TUB: variants seen among roughly 807,000 people sequenced by gnomAD.
TUB encodes tubby protein homolog.
Under a neutral mutation model 59.7 loss-of-function variants are expected in TUB, and 33 were observed. The ratio of observed to expected loss-of-function variants is 0.55; its 90% CI spans 0.42 to 0.74. The LOEUF is 0.74. Ranked by LOEUF, TUB falls within the 30% of genes least tolerant of loss-of-function variation. The probability of loss-of-function intolerance (pLI) is 0.00; values close to 1 mark genes in which losing one functional copy is unlikely to be tolerated. For synonymous variants in TUB, 293 were observed against 256.4 expected, an observed-to-expected ratio of 1.14 and a Z score of -1.36; for missense variants, 659 against 672.0, an observed-to-expected ratio of 0.98 and a Z score of 0.21.
intron 10 of TUB, 83 bp from the exon 11 acceptor site, chr11:8,100,743 C>T: frequency 6.3e-7 from 1 of 1,580,614 alleles, no homozygotes; most frequent in Non-Finnish European, 8.6e-7. Flanking sequence ...ATCCAAGGAC[C>T]CCCATTCCCG....
At chr11:8,022,210 G>C (rs1942439515) in intron 1 of TUB, among the ~76,000 whole-genome samples, 1 of 152,134 alleles carries the variant, frequency 6.6e-6, no homozygotes. Flanking sequence ...GTTCTCATCA[G>C]TACTTGTTTT....
chr11:8,036,445 G>A (rs565975514), upstream of TUB, among the ~76,000 whole-genome samples: 8 of 152,338 alleles, frequency 5.3e-5, no homozygotes, highest in Admixed American at 2.6e-4. Context: ...ATCAATGATA[G>A]CATCCTTCTT....
chr11:8,043,490 C>T (rs987651727), intron 2 of TUB, among the ~76,000 whole-genome samples: 1 of 152,106 alleles, frequency 6.6e-6, no homozygotes, highest in Non-Finnish European at 1.5e-5. Flanking sequence ...GAGATTGGAC[C>T]GAATCTGTAG....
Position 8,101,860 on chromosome 11 carries a change from C to CA in TUB, c.*241_*242insA. 1.8e-6 allele frequency: 1 copy of CA among 568,284 alleles called. No individual in the cohort carries two copies. The highest frequency in any genetic ancestry group is 3.0e-6 in the Non-Finnish European group (1 of 333,710). 35.2% of individuals were successfully genotyped at this position (568,284 alleles called of 1,614,324 possible). On this transcript the variant is annotated 3_prime_UTR_variant, in exon 12 of 12. Transcript: ENST00000299506. ...GATGAGAATAATTCTTTCCATGCCACGAGATCAACACACACTCCCACCCTT... is the reference window on the plus strand; with the variant it reads ...GATGAGAATAATTCTTTCCATGCCACAGAGATCAACACACACTCCCACCCTT...
rs2133873075 is a variant in TUB at position 8,096,785 on chromosome 11, T to C, written c.666T>C (p.Ala222=). 6 of 1,614,172 alleles carry C rather than the reference T, an allele frequency of 3.7e-6. No homozygotes were observed. Among genetic ancestry groups the C allele is most frequent in the Non-Finnish European group, 5.1e-6 (6 of 1,180,000 alleles). ...ATAGTAACACCCGCCCCAGCTCTGC[T>C]ACTAGCAGGAAGTCCGTCAGGGTGA... The part of the protein sequence containing the change: ...QLNSNTRPSS[A]TSRKSVREAA... The change falls in exon 6 of 12, where the codon GCT becomes GCC. Residue 222 remains alanine, a synonymous_variant. Coordinates refer to ENST00000299506, the MANE Select transcript of TUB (RefSeq NM_177972.3).
intron 10 of TUB, 58 bp downstream of exon 10, chr11:8,100,659 T>G (rs547946945): frequency 1.9e-6 from 3 of 1,572,272 alleles, no homozygotes; most frequent in East Asian, 2.2e-5. Flanking sequence ...TGCATGAGCT[T>G]CTAAGGGCAG....
At chr11:8,101,210 A>C (rs910429478) in intron 11 of TUB, among the ~76,000 whole-genome samples, 24 of 152,282 alleles carry the variant, frequency 1.6e-4, no homozygotes, top group African/African-American at 5.8e-4. Flanking sequence ...TGTGTATTCA[A>C]CGGAGTCTCA....
chr11:8,026,512 C>G (rs1942502286), intron 1 of TUB, among the ~76,000 whole-genome samples: 1 of 149,214 alleles, frequency 6.7e-6, no homozygotes, highest in African/African-American at 2.5e-5. Flanking sequence ...CAGCAGCATT[C>G]ATTGAAAAAA....
In TUB at chr11:8,094,182, G is replaced by A. The variant is rs749896916; in HGVS notation, c.390G>A (p.Lys130=). The change falls in exon 4 of 12, where the codon AAG becomes AAA. Residue 130 remains lysine, a synonymous_variant. Coordinates refer to ENST00000299506, the MANE Select transcript of TUB (RefSeq NM_177972.3). ...GGAARKEKKG[K]HKGTSGPAAL... ...CCGCTAGGAAGGAGAAGAAGGGAAAGCACAAAGGTCAGCTCACATTCTCTA... is the reference window on the plus strand; with the variant it reads ...CCGCTAGGAAGGAGAAGAAGGGAAAACACAAAGGTCAGCTCACATTCTCTA... 3 of 1,612,264 alleles carry A rather than the reference G, an allele frequency of 1.9e-6. No individual in the cohort carries two copies. The South Asian group carries it at 3.3e-5, about 18-fold the overall frequency.
In TUB at chr11:8,104,254, T is replaced by C. The variant is rs903327449; in HGVS notation, c.*2635T>C. The C allele has an allele frequency of 3.9e-5, 6 of 152,242 alleles. No individual in the cohort carries two copies. Among genetic ancestry groups the C allele is most frequent in the African/African-American group, 1.4e-4 (6 of 41,458 alleles). The allele number at this position is 152,242 out of a possible 1,614,324, so 9.4% of individuals were successfully genotyped here. A position where few individuals can be genotyped will look rare whatever the true frequency, so the allele number is the denominator to read the frequency against. ...AGCAGTCCCTAATGGTATTGGGCAG[T>C]TGGGAGTGAGTTTAGGCAGCTTCTC... On this transcript the variant is annotated 3_prime_UTR_variant, in exon 12 of 12. Transcript: ENST00000299506.
intron 2 of TUB, among the ~76,000 whole-genome samples, chr11:8,052,302 A>G (rs978858772): frequency 2.0e-5 from 3 of 152,218 alleles, no homozygotes; most frequent in Admixed American, 6.5e-5. Context: ...CCATACAGGA[A>G]CAGGGGATGC....
At chr11:8,021,617 C>G (rs1353811129) in intron 1 of TUB, among the ~76,000 whole-genome samples, 4 of 151,752 alleles carry the variant, frequency 2.6e-5, no homozygotes, top group Non-Finnish European at 5.9e-5. Flanking sequence ...TCCACAGAAG[C>G]TTGGTTTGAA....
At chr11:8,057,187 A>C (rs1417360834) in intron 2 of TUB, among the ~76,000 whole-genome samples, 1 of 152,098 alleles carries the variant, frequency 6.6e-6, no homozygotes, top group African/African-American at 2.4e-5. Context: ...ACAGCTCATG[A>C]GAATCGATTG....
At position 8,101,821 on chromosome 11, in the gene TUB, G is replaced by A. The variant is rs931283006; in HGVS notation, c.*202G>A. 61 of 844,324 alleles carry A rather than the reference G, an allele frequency of 7.2e-5. No homozygotes were observed. Among genetic ancestry groups the A allele is most frequent in the South Asian group, 5.6e-5 (3 of 53,306 alleles). The allele number at this position is 844,324 out of a possible 1,614,324, so 52.3% of individuals were successfully genotyped here. ...GCAGGGGAGTAGTGGAGAGCGGGTG[G>A]GTGGGTGTGAAGGGATGAGAATAAT... On this transcript the variant is annotated 3_prime_UTR_variant, in exon 12 of 12. Coordinates refer to ENST00000299506, the MANE Select transcript of TUB (RefSeq NM_177972.3).
intron 9 of TUB, among the ~76,000 whole-genome samples, chr11:8,099,627 C>G (rs1944166772): frequency 6.6e-6 from 1 of 152,160 alleles, no homozygotes; most frequent in Admixed American, 6.5e-5. Flanking sequence ...ACTTAAAGCC[C>G]TAGCAGGGCA....
intron 2 of TUB, among the ~76,000 whole-genome samples, chr11:8,047,395 G>A (rs1398216743): frequency 1.3e-5 from 2 of 152,186 alleles, no homozygotes; most frequent in Non-Finnish European, 1.5e-5. Flanking sequence ...CTACTGGGCT[G>A]TGATCTCTCT....
At chr11:8,095,405 C>G in intron 4 of TUB, 93 bp from the exon 5 acceptor site, 3 of 1,359,062 alleles carry the variant, frequency 2.2e-6, no homozygotes, top group South Asian at 3.0e-5. Context: ...GAGGGTTTCC[C>G]CACTCTTCCC....
intron 2 of TUB, among the ~76,000 whole-genome samples, chr11:8,073,703 C>A (rs1225841677): frequency 2.0e-5 from 3 of 152,220 alleles, no homozygotes; most frequent in Non-Finnish European, 2.9e-5. Context: ...CCTGAGCGCT[C>A]AGCCTCAGAA....
intron 2 of TUB, among the ~76,000 whole-genome samples, chr11:8,056,449 G>T (rs976313733): frequency 6.6e-6 from 1 of 152,142 alleles, no homozygotes; most frequent in East Asian, 1.9e-4. Flanking sequence ...TGTGTGGTGC[G>T]CATGCTTGTG....
Sources: allele counts gnomAD v4.1 joint callset (sites outside exome capture counted in the v4.1 genomes callset), GRCh38; gene constraint gnomAD v4.1.1; transcripts MANE v1.5; gene names NCBI Gene and HGNC (gene_info 2026-07-23, HGNC 2026-07-21).